The following SPNS3 variants were observed in gnomAD, a reference collection of about 807,000 sequenced individuals.
SPNS3 encodes protein spinster homolog 3.
SPNS3 carries 51 observed loss-of-function variants against 54.4 expected under a neutral mutation model. That is an observed-to-expected ratio of 0.94 (90% CI 0.75 to 1.18). The LOEUF is 1.18. SPNS3 is among the 50% of genes most tolerant of loss of function. The probability of loss-of-function intolerance (pLI) is 0.00; values close to 1 mark genes in which losing one functional copy is unlikely to be tolerated. For missense variants in SPNS3, 669 were observed against 677.4 expected (o/e 0.99, Z 0.14); for synonymous variants, 309 against 294.7 (o/e 1.05, Z -0.50).
intron 8 of SPNS3, among the ~76,000 whole-genome samples, chr17:4,469,846 T>A (rs1368816471): frequency 6.6e-6 from 1 of 152,084 alleles, no homozygotes; most frequent in Admixed American, 6.6e-5. Flanking sequence ...TGTATCGTGT[T>A]GTATCAAATG....
intron 6 of SPNS3, 77 bp downstream of exon 6, chr17:4,448,380 C>A: frequency 7.3e-7 from 1 of 1,368,490 alleles, no homozygotes; most frequent in Non-Finnish European, 9.6e-7. Context: ...CCCCTCTCTC[C>A]ACCTCCAGGG....
intron 8 of SPNS3, among the ~76,000 whole-genome samples, chr17:4,477,970 CTTTTTTT>C (rs397837193): frequency 6.1e-5 from 6 of 97,600 alleles, no homozygotes; most frequent in South Asian, 7.3e-4. Flanking sequence ...TTCACTTTTC[CTTTTTTT>C]TTTTTTTTTT....
intron 2 of SPNS3, among the ~76,000 whole-genome samples, chr17:4,440,768 G>A (rs1244686921): frequency 1.3e-5 from 2 of 152,206 alleles, no homozygotes; most frequent in South Asian, 2.1e-4. Flanking sequence ...GACCTTGGGA[G>A]CAAAGCAGAG....
intron 2 of SPNS3, among the ~76,000 whole-genome samples, chr17:4,443,660 A>C (rs7212203): frequency 0.1 from 15,738 of 152,304 alleles, 982 homozygotes; most frequent in African/African-American, 0.18. Flanking sequence ...GGAATCTACC[A>C]AAGGTCACAT....
At chr17:4,455,249 T>C (rs1451112014) in intron 8 of SPNS3, among the ~76,000 whole-genome samples, 3 of 152,206 alleles carry the variant, frequency 2.0e-5, no homozygotes, top group African/African-American at 7.2e-5. Flanking sequence ...GAAAACTGCC[T>C]TGGGAAGAGG....
At chr17:4,465,238 C>T (rs1198550867) in intron 8 of SPNS3, among the ~76,000 whole-genome samples, 5 of 152,272 alleles carry the variant, frequency 3.3e-5, no homozygotes, top group Non-Finnish European at 7.4e-5. Context: ...GTGGCCTCTC[C>T]GTGTGGTCTG....
intron 8 of SPNS3, among the ~76,000 whole-genome samples, chr17:4,472,426 A>G (rs1186745104): frequency 1.3e-5 from 2 of 152,184 alleles, no homozygotes; most frequent in African/African-American, 4.8e-5. Flanking sequence ...AGGGAAATGC[A>G]GGGCTCAGGC....
chr17:4,438,752 T>C (rs62067385), intron 1 of SPNS3, among the ~76,000 whole-genome samples: 8,666 of 152,332 alleles, frequency 0.057, 307 homozygotes, highest in Non-Finnish European at 0.08. Context: ...GTTTACACAG[T>C]GGCCTAAGTA....
chr17:4,434,503 A>ATTTATT (rs1555528287), intron 1 of SPNS3, among the ~76,000 whole-genome samples: 12 of 149,234 alleles, frequency 8.0e-5, no homozygotes, highest in African/African-American at 2.9e-4. Context: ...CTATTTATTT[A>ATTTATT]TTTTTTTTTT....
chr17:4,460,794 T>A (rs998071902), intron 8 of SPNS3, among the ~76,000 whole-genome samples: 2 of 152,094 alleles, frequency 1.3e-5, no homozygotes, highest in African/African-American at 4.8e-5. Flanking sequence ...TGCACGTACA[T>A]TCATAAGAGA....
In SPNS3 at chr17:4,487,790, ATCTT is replaced by A; in HGVS notation, c.1451-13_1451-10del. On this transcript the variant is annotated splice_polypyrimidine_tract_variant and intron_variant, in intron 11 of 11. Coordinates refer to ENST00000355530, the MANE Select transcript of SPNS3 (RefSeq NM_182538.5). Reference sequence around the variant, plus strand: ...TCTGCAACCTTCGGGCAGGCTGAGCATCTTTCCTCCTGCAGGGACCCCAGACAGC... The same window carrying A: ...TCTGCAACCTTCGGGCAGGCTGAGCATCCTCCTGCAGGGACCCCAGACAGC... 6.2e-7 allele frequency: 1 copy of A among 1,612,388 alleles called. No homozygotes were observed. The highest frequency in any genetic ancestry group is 8.5e-7 in the Non-Finnish European group (1 of 1,178,460).
chr17:4,457,199 C>T (rs562839305), intron 8 of SPNS3, among the ~76,000 whole-genome samples: 1 of 152,270 alleles, frequency 6.6e-6, no homozygotes, highest in South Asian at 2.1e-4. Context: ...AGAGACCAGC[C>T]TGGACAATGT....
intron 9 of SPNS3, among the ~76,000 whole-genome samples, chr17:4,480,881 C>T (rs535528722): frequency 6.6e-6 from 1 of 152,320 alleles, no homozygotes; most frequent in East Asian, 1.9e-4. Context: ...CTGCCCGGAG[C>T]CCCGTGGCCA....
At chr17:4,435,491 T>A (rs1301280534) in intron 1 of SPNS3, among the ~76,000 whole-genome samples, 4 of 99,574 alleles carry the variant, frequency 4.0e-5, no homozygotes, top group Admixed American at 3.7e-4. Flanking sequence ...AAATATTTTT[T>A]AAAAATTAAG....
At chr17:4,445,657 G>A (rs572564934) in intron 3 of SPNS3, among the ~76,000 whole-genome samples, 5 of 152,104 alleles carry the variant, frequency 3.3e-5, no homozygotes, top group African/African-American at 1.2e-4. Flanking sequence ...GATTACAGGC[G>A]TGAGCCACCA....
intron 8 of SPNS3, among the ~76,000 whole-genome samples, chr17:4,464,089 A>G (rs978205965): frequency 6.6e-6 from 1 of 152,198 alleles, no homozygotes; most frequent in South Asian, 2.1e-4. Context: ...GGGCCAAATC[A>G]TGCTGCTTGT....
intron 8 of SPNS3, among the ~76,000 whole-genome samples, chr17:4,468,753 CTTTCTTTCTCTCTTTCTTTT>C (rs1971762071): frequency 3.5e-5 from 5 of 141,102 alleles, no homozygotes; most frequent in African/African-American, 1.4e-4. Context: ...TTCTTTCTTT[CTTTCTTTCTCTCTTTCTTTT>C]TCTTTCTTTC....
rs1567572187 is a variant in SPNS3 at position 4,472,774 on chromosome 17, C to CATTTTTTTTTT, written c.1114-5798_1114-5797insATTTTTTTTTT. Among the ~76,000 whole-genome samples the CATTTTTTTTTT allele has an allele frequency of 3.1e-4, 16 of 50,974 alleles. 1 individual carries two copies. The highest frequency in any genetic ancestry group is 1.4e-3 in the African/African-American group (16 of 11,268). 33.4% of individuals were successfully genotyped at this position (50,974 alleles called of 152,430 possible). A position where few individuals can be genotyped will look rare whatever the true frequency, so the allele number is the denominator to read the frequency against. On this transcript the variant is annotated intron_variant, in intron 8 of 11. Transcript: ENST00000355530. ...ATTGTCTGCTCTTTTGCTTGGCAGC[C>CATTTTTTTTTT]TTTTTTTTTTTTTTTTTTTTTTTTT... is the stretch of plus-strand genomic sequence containing the variant.
In SPNS3 at chr17:4,483,152, G is replaced by A. The variant is rs1019268936; in HGVS notation, c.1180-3076G>A. ...TCTCACCCTCTCAGGGGCGTCTGGG[G>A]GCGAGGCCTGGGTGGGGGTGCAGGA... On this transcript the variant is annotated intron_variant, in intron 9 of 11. Coordinates refer to ENST00000355530, the MANE Select transcript of SPNS3 (RefSeq NM_182538.5). This position sits in a 1 kb window ranked among gnomAD's most constrained non-coding sequence, Gnocchi z 4.2. Among the ~76,000 whole-genome samples, 2 of 152,228 alleles carry A rather than the reference G, an allele frequency of 1.3e-5. No individual in the cohort carries two copies. The highest frequency in any genetic ancestry group is 4.8e-5 in the African/African-American group (2 of 41,462).
Sources: allele counts gnomAD v4.1 joint callset (sites outside exome capture counted in the v4.1 genomes callset), GRCh38; gene constraint gnomAD v4.1.1; non-coding constraint Gnocchi (gnomAD v3.1); transcripts MANE v1.5; gene names NCBI Gene and HGNC (gene_info 2026-07-23, HGNC 2026-07-21).